The following GID8 variants were observed in gnomAD, a reference collection of about 807,000 sequenced individuals.
GID8 encodes the protein GID complex subunit 8 homolog.
GID8 carries 6 observed loss-of-function variants against 27.4 expected under a neutral mutation model. That is an observed-to-expected ratio of 0.22 (90% CI 0.12 to 0.43). The LOEUF is 0.43. Ranked by LOEUF, GID8 falls within the 20% of genes least tolerant of loss-of-function variation. The pLI is 1.00. For missense variants in GID8, 173 were observed against 287.6 expected (o/e 0.60, Z 2.88); for synonymous variants, 112 against 109.0 (o/e 1.03, Z -0.17).
Position 62,945,023 on chromosome 20 carries a change from T to C in GID8, c.*111T>C. The C allele has an allele frequency of 6.9e-7, 1 of 1,441,832 alleles. No homozygotes were observed. The highest frequency in any genetic ancestry group is 9.1e-7 in the Non-Finnish European group (1 of 1,097,194). The allele number at this position is 1,441,832 out of a possible 1,614,324, so 89.3% of individuals were successfully genotyped here. A position where few individuals can be genotyped will look rare whatever the true frequency, so the allele number is the denominator to read the frequency against. On this transcript the variant is annotated 3_prime_UTR_variant, in exon 5 of 5. Coordinates refer to ENST00000266069, the MANE Select transcript of GID8 (RefSeq NM_017896.3). Reference sequence around the variant, plus strand: ...GCAGTAGAGAACTCTTTTTCTCCCTTGTACTTTTTTTTGACCTGGCATCTT... The same window carrying C: ...GCAGTAGAGAACTCTTTTTCTCCCTCGTACTTTTTTTTGACCTGGCATCTT...
At chr20:62,941,364 C>A in intron 1 of GID8, 127 bp from the exon 2 acceptor site, 1 of 620,590 alleles carries the variant, frequency 1.6e-6, no homozygotes. Context: ...GTGGGTGTCC[C>A]ACGGCAGCGT....
Position 62,945,242 on chromosome 20 carries a change from G to T in GID8, c.*330G>T. ...CTACCACGGAGGGCTGTGCTGTTAG[G>T]CTGCATCCCACTCAAAATACAGGAA... On this transcript the variant is annotated 3_prime_UTR_variant, in exon 5 of 5. Transcript: ENST00000266069. 1 of 1,064,828 alleles carries T rather than the reference G, an allele frequency of 9.4e-7. No homozygotes were observed. The highest frequency in any genetic ancestry group is 1.7e-5 in the African/African-American group (1 of 60,366). 66.0% of individuals were successfully genotyped at this position (1,064,828 alleles called of 1,614,324 possible).
In GID8 at chr20:62,941,647, T is replaced by C. The variant is rs568175435; in HGVS notation, c.118+27T>C. 4 of 1,196,024 alleles carry C rather than the reference T, an allele frequency of 3.3e-6. No homozygotes were observed. The South Asian group carries it at 4.8e-5, about 14-fold the overall frequency. 74.1% of individuals were successfully genotyped at this position (1,196,024 alleles called of 1,614,324 possible). A position where few individuals can be genotyped will look rare whatever the true frequency, so the allele number is the denominator to read the frequency against. On this transcript the variant is annotated intron_variant, in intron 2 of 4. Coordinates refer to ENST00000266069, the MANE Select transcript of GID8 (RefSeq NM_017896.3). ...TAATGGCTTACAGTGAGGATGCTGT[T>C]GCATGAATGTGATTCTCCCTTTTTG... is the stretch of plus-strand genomic sequence containing the variant.
rs972358863 is a variant in GID8 at position 62,938,156 on chromosome 20, C to T, written c.-110C>T. Reference sequence around the variant, plus strand: ...CGGCCCCCACCTCTGCCTCCTTCTACTCGGGCGCCCCGGCGGCCGCCACCT... The same window carrying T: ...CGGCCCCCACCTCTGCCTCCTTCTATTCGGGCGCCCCGGCGGCCGCCACCT... On this transcript the variant is annotated 5_prime_UTR_variant, in exon 1 of 5. Coordinates refer to ENST00000266069, the MANE Select transcript of GID8 (RefSeq NM_017896.3). 89 of 276,566 alleles carry T rather than the reference C, an allele frequency of 3.2e-4. No homozygotes were observed. The highest frequency in any genetic ancestry group is 5.3e-4 in the Non-Finnish European group (78 of 147,866). The allele number at this position is 276,566 out of a possible 1,614,324, so 17.1% of individuals were successfully genotyped here.
At chr20:62,944,559 G>C (rs751754967) in intron 4 of GID8, among the ~76,000 whole-genome samples, 180 bp from the exon 5 acceptor site, 6 of 152,196 alleles carry the variant, frequency 3.9e-5, no homozygotes, top group Non-Finnish European at 8.8e-5. Flanking sequence ...CTGCCATCGA[G>C]GTTGCATGTG....
chr20:62,944,654 TG>T, intron 4 of GID8, 84 bp from the exon 5 acceptor site: 1 of 913,598 alleles, frequency 1.1e-6, no homozygotes, highest in Non-Finnish European at 1.8e-6. Context: ...AAGAGCTTAA[TG>T]TTTGTTTAAA....
chr20:62,943,646 A>G lies in GID8; in HGVS notation c.467A>G (p.Glu156Gly), dbSNP rs757090552. 1 of 1,613,840 alleles carries G rather than the reference A, an allele frequency of 6.2e-7. No homozygotes were observed. Among genetic ancestry groups the G allele is most frequent in the Admixed American group, 1.7e-5 (1 of 60,022 alleles). ...GCACTGCTGGCCTTTGACAGTCCCG[A>G]GGAGTCGCCCTTCGGAGACCTCCTC... Reference protein sequence around the residue: ...TLALLAFDSPEESPFGDLLHT... With the variant: ...TLALLAFDSPGESPFGDLLHT... Residue 156 changes from glutamate to glycine, a missense_variant, in exon 4 of 5, where the codon GAG (glutamate) becomes GGG (glycine). Coordinates refer to ENST00000266069, the MANE Select transcript of GID8 (RefSeq NM_017896.3). The surrounding 1 kb of genome is among the most constrained non-coding windows in gnomAD (Gnocchi z 4.7).
chr20:62,940,985 T>TTGTA (rs10623609), intron 1 of GID8, among the ~76,000 whole-genome samples: 10,520 of 152,264 alleles, frequency 0.069, 550 homozygotes, highest in Non-Finnish European at 0.099. Context: ...TGCCAAATAA[T>TTGTA]CGTTGTACAT....
Position 62,947,629 on chromosome 20 carries a change from G to A in GID8, c.*2717G>A, listed in dbSNP as rs1449918176. 6.6e-6 allele frequency: 1 copy of A among 152,528 alleles called. No homozygotes were observed. Among genetic ancestry groups the A allele is most frequent in the African/African-American group, 2.4e-5 (1 of 41,426 alleles). 9.4% of individuals were successfully genotyped at this position (152,528 alleles called of 1,614,324 possible). A position where few individuals can be genotyped will look rare whatever the true frequency, so the allele number is the denominator to read the frequency against. On this transcript the variant is annotated 3_prime_UTR_variant, in exon 5 of 5. Coordinates refer to ENST00000266069, the MANE Select transcript of GID8 (RefSeq NM_017896.3). ...AGCATAGGGTTATTGCAAGGCAAAT[G>A]GGAACTAACACATCTTGCCATTTGA...
At position 62,946,352 on chromosome 20, in the gene GID8, G is replaced by A. The variant is rs766088323; in HGVS notation, c.*1440G>A. ...TCGGGTCATCTGCCTCTGAGGGACCGTCCTCACCGAGCTCCTGCATCCCTT... is the reference window on the plus strand; with the variant it reads ...TCGGGTCATCTGCCTCTGAGGGACCATCCTCACCGAGCTCCTGCATCCCTT... On this transcript the variant is annotated 3_prime_UTR_variant, in exon 5 of 5. Coordinates refer to ENST00000266069, the MANE Select transcript of GID8 (RefSeq NM_017896.3). 6.6e-5 allele frequency: 16 copies of A among 243,372 alleles called. No homozygotes were observed. The highest frequency in any genetic ancestry group is 3.8e-4 in the East Asian group (3 of 7,878). 15.1% of individuals were successfully genotyped at this position (243,372 alleles called of 1,614,324 possible). A position where few individuals can be genotyped will look rare whatever the true frequency, so the allele number is the denominator to read the frequency against.
Position 62,944,977 on chromosome 20 carries a change from T to C in GID8, c.*65T>C. The C allele has an allele frequency of 6.6e-7, 1 of 1,526,190 alleles. No homozygotes were observed. 94.5% of individuals were successfully genotyped at this position (1,526,190 alleles called of 1,614,324 possible). On this transcript the variant is annotated 3_prime_UTR_variant, in exon 5 of 5. Transcript: ENST00000266069. ...TCGTGGGACTTGCCTCAGATCAGCC[T>C]GCGACTGCAAGATTCTTACTGCAGT... is the stretch of plus-strand genomic sequence containing the variant.
At position 62,946,530 on chromosome 20, in the gene GID8, T is replaced by G. The variant is rs2065467208; in HGVS notation, c.*1618T>G. On this transcript the variant is annotated 3_prime_UTR_variant, in exon 5 of 5. Coordinates refer to ENST00000266069, the MANE Select transcript of GID8 (RefSeq NM_017896.3). The stretch of plus-strand genomic sequence containing the variant: ...GCAGTGTTTACTTTACCTAGATGGC[T>G]TATATAATCCAGTAAGAGATGCAAA... 1 of 154,092 alleles carries G rather than the reference T, an allele frequency of 6.5e-6. No individual in the cohort carries two copies. Among genetic ancestry groups the G allele is most frequent in the African/African-American group, 2.4e-5 (1 of 41,446 alleles). 9.5% of individuals were successfully genotyped at this position (154,092 alleles called of 1,614,324 possible).
rs1037095178 is a variant in GID8, at chr20:62,943,939, G to T, written c.513+247G>T. 6.6e-6 allele frequency among the ~76,000 whole-genome samples: 1 copy of T among 151,164 alleles called. No homozygotes were observed. The highest frequency in any genetic ancestry group is 1.5e-5 in the Non-Finnish European group (1 of 67,874). On this transcript the variant is annotated intron_variant, in intron 4 of 4. Transcript: ENST00000266069. This position sits in a 1 kb window ranked among gnomAD's most constrained non-coding sequence, Gnocchi z 4.7. ...CAACCCCCGCCTCCTGTGTTCAAGC[G>T]ATTCTCCTGCCTCTGCCTCCCAAGT...
intron 1 of GID8, among the ~76,000 whole-genome samples, chr20:62,939,681 C>G (rs1350920029): frequency 6.6e-6 from 1 of 152,116 alleles, no homozygotes; most frequent in Non-Finnish European, 1.5e-5. Flanking sequence ...CAGCCATTGA[C>G]TCTGGCCAAA....
Position 62,943,428 on chromosome 20 carries a change from G to A in GID8, c.316-67G>A. On this transcript the variant is annotated intron_variant, in intron 3 of 4. Coordinates refer to ENST00000266069, the MANE Select transcript of GID8 (RefSeq NM_017896.3). The surrounding 1 kb of genome is among the most constrained non-coding windows in gnomAD (Gnocchi z 4.7). ...TGTGATGTACTTTTGATTGGGACCT[G>A]GTACCACCTGCCCTAAGTCCCTGGC... 1 of 1,403,074 alleles carries A rather than the reference G, an allele frequency of 7.1e-7. No homozygotes were observed. The highest frequency in any genetic ancestry group is 1.2e-5 in the South Asian group (1 of 85,626). 86.9% of individuals were successfully genotyped at this position (1,403,074 alleles called of 1,614,324 possible).
intron 1 of GID8, chr20:62,938,569 C>T (rs1568900587): frequency 6.6e-6 from 1 of 152,198 alleles, no homozygotes; most frequent in Non-Finnish European, 1.5e-5. Context: ...GTAACGAAGT[C>T]TTTTTAATAA....
chr20:62,938,189 G>A lies in GID8; in HGVS notation c.-77G>A, dbSNP rs572780325. On this transcript the variant is annotated 5_prime_UTR_variant, in exon 1 of 5. Coordinates refer to ENST00000266069, the MANE Select transcript of GID8 (RefSeq NM_017896.3). ...CCCCGGCGGCCGCCACCTCTCCCCA[G>A]CCCAGGAGAGGCTGCGGAGCCGCAG... 12 of 203,044 alleles carry A rather than the reference G, an allele frequency of 5.9e-5. No individual in the cohort carries two copies. The East Asian group carries it at 1.1e-3, about 18-fold the overall frequency. 12.6% of individuals were successfully genotyped at this position (203,044 alleles called of 1,614,324 possible).
intron 4 of GID8, 38 bp from the exon 5 acceptor site, chr20:62,944,700 CG>C (rs1568903741): frequency 5.1e-6 from 7 of 1,378,938 alleles, no homozygotes; most frequent in Non-Finnish European, 5.2e-6. Context: ...TGGTGCTCTG[CG>C]TGTATGGTGG....
rs1187254043 is a variant in GID8, at chr20:62,944,932, G to C, written c.*20G>C. 10 of 1,600,244 alleles carry C rather than the reference G, an allele frequency of 6.2e-6. No homozygotes were observed. The South Asian group carries it at 1.0e-4, about 16-fold the overall frequency. On this transcript the variant is annotated 3_prime_UTR_variant, in exon 5 of 5. Coordinates refer to ENST00000266069, the MANE Select transcript of GID8 (RefSeq NM_017896.3). ...AAGTAGCGCCTGCGCTTGCGTGGTGGATCCAACACCAGCCCTGCGTCGTGG... is the reference window on the plus strand; with the variant it reads ...AAGTAGCGCCTGCGCTTGCGTGGTGCATCCAACACCAGCCCTGCGTCGTGG...
Sources: gnomAD v4.1 joint callset for allele counts (sites outside exome capture counted in the v4.1 genomes callset) on GRCh38, gnomAD v4.1.1 for gene constraint, Gnocchi (gnomAD v3.1) non-coding constraint, MANE v1.5 for transcripts, NCBI Gene and HGNC (gene_info 2026-07-23, HGNC 2026-07-21) for gene names.